The following KCNMB2 variants were observed in gnomAD, a reference collection of about 807,000 sequenced individuals.
KCNMB2 encodes the protein potassium calcium-activated channel subfamily M regulatory beta subunit 2, also known as calcium-activated potassium channel subunit beta-2.
Under a neutral mutation model 24.5 loss-of-function variants are expected in KCNMB2, and 9 were observed. That is an observed-to-expected ratio of 0.37 (90% CI 0.22 to 0.64). The LOEUF (loss-of-function observed/expected upper bound fraction) is 0.64. Ranked by LOEUF, KCNMB2 falls within the 30% of genes least tolerant of loss-of-function variation. The probability of loss-of-function intolerance (pLI) is 0.63; values close to 1 mark genes in which losing one functional copy is unlikely to be tolerated. For missense variants in KCNMB2, 226 were observed against 284.3 expected (o/e 0.79, Z 1.47); for synonymous variants, 109 against 104.4 (o/e 1.04, Z -0.27).
At chr3:178,547,575 T>C (rs1477882735) in intron 1 of KCNMB2, among the ~76,000 whole-genome samples, 4 of 152,226 alleles carry the variant, frequency 2.6e-5, no homozygotes, top group Admixed American at 2.6e-4. Flanking sequence ...TGTGTGTATG[T>C]GTACATGTAT....
intron 1 of KCNMB2, among the ~76,000 whole-genome samples, chr3:178,771,475 T>G (rs974554097): frequency 4.3e-5 from 3 of 69,956 alleles, no homozygotes; most frequent in African/African-American, 1.8e-4. Context: ...CTTTCTTTCT[T>G]TTTTTTTTTT....
chr3:178,665,566 A>G (rs76569004), intron 1 of KCNMB2, among the ~76,000 whole-genome samples: 7,872 of 152,242 alleles, frequency 0.052, 246 homozygotes, highest in Non-Finnish European at 0.074. Flanking sequence ...CACTATACAA[A>G]TTGCCTTTAT....
chr3:178,578,534 A>C (rs894043744), intron 1 of KCNMB2, among the ~76,000 whole-genome samples: 1 of 152,204 alleles, frequency 6.6e-6, no homozygotes, highest in Non-Finnish European at 1.5e-5. Context: ...AACAATGTTA[A>C]CCTCAAATGT....
intron 4 of KCNMB2, among the ~76,000 whole-genome samples, chr3:178,834,138 G>C (rs1715141231): frequency 6.6e-6 from 1 of 152,058 alleles, no homozygotes; most frequent in Non-Finnish European, 1.5e-5. Flanking sequence ...TTGGTATATG[G>C]CATAATACTA....
At chr3:178,652,942 C>T (rs568206789) in intron 1 of KCNMB2, among the ~76,000 whole-genome samples, 5 of 152,180 alleles carry the variant, frequency 3.3e-5, no homozygotes, top group African/African-American at 7.2e-5. Context: ...AGATTACAGG[C>T]GTGAGCCACT....
intron 1 of KCNMB2, among the ~76,000 whole-genome samples, chr3:178,609,628 C>G (rs1264263066): frequency 6.6e-6 from 1 of 151,322 alleles, no homozygotes; most frequent in East Asian, 1.9e-4. Context: ...AGATATAAGT[C>G]TTTAGTCTAT....
intron 1 of KCNMB2, among the ~76,000 whole-genome samples, chr3:178,577,452 C>T (rs1314174986): frequency 2.0e-5 from 3 of 152,270 alleles, no homozygotes; most frequent in South Asian, 2.1e-4. Flanking sequence ...AAAACCAGAA[C>T]GTCTCTTCTC....
intron 1 of KCNMB2, among the ~76,000 whole-genome samples, chr3:178,596,249 A>G (rs1717868960): frequency 1.3e-5 from 2 of 152,154 alleles, no homozygotes; most frequent in East Asian, 1.9e-4. Context: ...TTCAATTTCA[A>G]TAACCTATCC....
intron 1 of KCNMB2, among the ~76,000 whole-genome samples, chr3:178,673,601 C>T (rs1287160111): frequency 6.6e-6 from 1 of 152,108 alleles, no homozygotes; most frequent in Admixed American, 6.5e-5. Flanking sequence ...AACCCCTTCA[C>T]TTTGCACTGG....
intron 1 of KCNMB2, among the ~76,000 whole-genome samples, chr3:178,648,439 T>C (rs1719995474): frequency 6.6e-6 from 1 of 152,080 alleles, no homozygotes; most frequent in Non-Finnish European, 1.5e-5. Context: ...CTTGTGAGCC[T>C]GAGGGGGAAG....
intron 1 of KCNMB2, among the ~76,000 whole-genome samples, chr3:178,561,631 G>C (rs1287296023): frequency 6.6e-6 from 1 of 152,180 alleles, no homozygotes; most frequent in African/African-American, 2.4e-5. Context: ...TGTTAGCGTA[G>C]TTGGAAATGC....
chr3:178,648,238 G>C (rs529309109), intron 1 of KCNMB2, among the ~76,000 whole-genome samples: 1 of 152,182 alleles, frequency 6.6e-6, no homozygotes, highest in South Asian at 2.1e-4. Context: ...AAAATATTAT[G>C]TCATAAATAA....
intron 1 of KCNMB2, among the ~76,000 whole-genome samples, chr3:178,805,681 G>A (rs113903503): frequency 0.02 from 3,061 of 151,780 alleles, 118 homozygotes; most frequent in African/African-American, 0.071. Context: ...GGCTGGAGTG[G>A]TGCAGTGACA....
chr3:178,834,090 T>C (rs1038100870), intron 4 of KCNMB2, among the ~76,000 whole-genome samples: 3 of 152,130 alleles, frequency 2.0e-5, no homozygotes, highest in Non-Finnish European at 4.4e-5. Flanking sequence ...AGATTAAAAA[T>C]GTAGTTTGGT....
intron 1 of KCNMB2, among the ~76,000 whole-genome samples, chr3:178,587,832 C>T (rs1233662415): frequency 6.6e-6 from 1 of 151,004 alleles, no homozygotes; most frequent in Non-Finnish European, 1.5e-5. Context: ...TGGTGTGCTG[C>T]ACCCATTAAC....
chr3:178,818,076 C>A (rs1714476961), intron 2 of KCNMB2, among the ~76,000 whole-genome samples: 1 of 152,166 alleles, frequency 6.6e-6, no homozygotes, highest in Non-Finnish European at 1.5e-5. Flanking sequence ...TACTTCTCTT[C>A]CCTGCATCCA....
At chr3:178,671,840 A>G (rs751514964) in intron 1 of KCNMB2, among the ~76,000 whole-genome samples, 98 of 152,202 alleles carry the variant, frequency 6.4e-4, no homozygotes, top group Non-Finnish European at 1.3e-3. Flanking sequence ...ATGTAATACA[A>G]TAATGTAATC....
chr3:178,758,488 T>A (rs865889460), intron 1 of KCNMB2, among the ~76,000 whole-genome samples: 3 of 22,580 alleles, frequency 1.3e-4, no homozygotes, highest in African/African-American at 2.5e-4. Flanking sequence ...CTCCAAGAGG[T>A]GATTGATATA....
At chr3:178,841,302 C>T (rs1715418925) in intron 4 of KCNMB2, among the ~76,000 whole-genome samples, 1 of 152,176 alleles carries the variant, frequency 6.6e-6, no homozygotes, top group Non-Finnish European at 1.5e-5. Context: ...CAAAACCATT[C>T]AACAAATCTC....
Sources: gnomAD v4.1 joint callset for allele counts (sites outside exome capture counted in the v4.1 genomes callset) on GRCh38, gnomAD v4.1.1 for gene constraint, MANE v1.5 for transcripts, NCBI Gene and HGNC (gene_info 2026-07-23, HGNC 2026-07-21) for gene names.